Variants in CERS3 observed in about 807,000 individuals in gnomAD.
The protein encoded by CERS3 is LAG1 homolog, ceramide synthase 3.
A neutral mutation model predicts 50.3 loss-of-function variants in CERS3; 33 were observed. The ratio of observed to expected loss-of-function variants is 0.66; its 90% CI spans 0.50 to 0.88. CERS3 has a LOEUF of 0.88. Among genes scored for constraint, CERS3 ranks in the 40% least tolerant of loss-of-function variants. The pLI, the probability that CERS3 is intolerant of heterozygous loss-of-function variation, is 0.00. For synonymous variants in CERS3, 176 were observed against 155.2 expected (o/e 1.13, Z -0.99); for missense variants, 470 against 460.3 (o/e 1.02, Z -0.19).
intron 11 of CERS3, 93 bp downstream of exon 11, chr15:100,455,800 A>T: frequency 1.2e-6 from 1 of 838,468 alleles, no homozygotes; most frequent in Non-Finnish European, 1.7e-6. Flanking sequence ...AATTCTGGTT[A>T]AAACTATGAA....
intron 10 of CERS3, among the ~76,000 whole-genome samples, chr15:100,468,760 T>A (rs1022750365): frequency 2.6e-5 from 4 of 152,216 alleles, no homozygotes; most frequent in African/African-American, 7.2e-5. Flanking sequence ...GGAGATGTAA[T>A]ATATGCTTTT....
At chr15:100,433,187 G>A (rs1419756989) in intron 11 of CERS3, among the ~76,000 whole-genome samples, 1 of 150,316 alleles carries the variant, frequency 6.7e-6, no homozygotes, top group African/African-American at 2.5e-5. Flanking sequence ...AGCGAGCTGA[G>A]ATCGCACTGC....
At chr15:100,502,674 G>A (rs8030478) in intron 2 of CERS3, among the ~76,000 whole-genome samples, 28,169 of 152,204 alleles carry the variant, frequency 0.19, 3,410 homozygotes, top group African/African-American at 0.34. Flanking sequence ...TTAAGATTCT[G>A]TTATTTGTGA....
intron 1 of CERS3, among the ~76,000 whole-genome samples, chr15:100,525,490 A>G (rs1191442035): frequency 6.6e-6 from 1 of 152,230 alleles, no homozygotes; most frequent in East Asian, 1.9e-4. Context: ...TTTTCTATTT[A>G]TTAATGGAAA....
intron 3 of CERS3, among the ~76,000 whole-genome samples, chr15:100,493,189 G>A (rs77689538): frequency 0.018 from 2,721 of 152,200 alleles, 83 homozygotes; most frequent in African/African-American, 0.062. Flanking sequence ...TTACTATCTT[G>A]TGTACTCTCA....
chr15:100,495,977 T>C (rs1356795741), intron 3 of CERS3, among the ~76,000 whole-genome samples: 1 of 152,232 alleles, frequency 6.6e-6, no homozygotes, highest in Non-Finnish European at 1.5e-5. Context: ...TTTTCTGTTT[T>C]TCTAGTTTGC....
chr15:100,479,401 G>A (rs755912164), intron 7 of CERS3, 27 bp downstream of exon 7: 3 of 1,549,292 alleles, frequency 1.9e-6, no homozygotes, highest in Non-Finnish European at 2.6e-6. Context: ...TTCAAGTAAG[G>A]GGAGGAATAT....
chr15:100,457,886 A>T (rs2034427391), intron 10 of CERS3, among the ~76,000 whole-genome samples: 2 of 152,196 alleles, frequency 1.3e-5, no homozygotes, highest in South Asian at 4.1e-4. Context: ...TTTATGTTCA[A>T]TTACATTTAG....
rs57343426 is a variant in CERS3, at chr15:100,497,852, T to TAC, written c.173+3823_173+3824dup. ...TTTGTTTTACTGGATACCTATCTCT[T>TAC]ACACACACACACACACACACACACA... On this transcript the variant is annotated intron_variant, in intron 3 of 11. Coordinates refer to ENST00000679737, the MANE Select transcript of CERS3 (RefSeq NM_001378789.1). Among the ~76,000 whole-genome samples the TAC allele has an allele frequency of 4.0e-3, 432 of 108,788 alleles. 8 individuals carry two copies. Among genetic ancestry groups the TAC allele is most frequent in the African/African-American group, 0.013 (363 of 27,430 alleles). The allele number at this position is 108,788 out of a possible 152,430, so 71.4% of individuals were successfully genotyped here. A position where few individuals can be genotyped will look rare whatever the true frequency, so the allele number is the denominator to read the frequency against.
chr15:100,542,951 T>C (rs1035144166), intron 1 of CERS3, among the ~76,000 whole-genome samples: 2 of 152,186 alleles, frequency 1.3e-5, no homozygotes, highest in Admixed American at 1.3e-4. Context: ...TCTTGCTCTG[T>C]CACCCAGGCC....
chr15:100,422,993 G>A (rs943928505), intron 11 of CERS3, among the ~76,000 whole-genome samples: 13 of 150,660 alleles, frequency 8.6e-5, no homozygotes, highest in African/African-American at 3.2e-4. Flanking sequence ...GCTAGATGAC[G>A]AGTTAGTGGG....
intron 11 of CERS3, among the ~76,000 whole-genome samples, chr15:100,438,734 G>A (rs905824354): frequency 6.6e-6 from 1 of 152,232 alleles, no homozygotes; most frequent in African/African-American, 2.4e-5. Context: ...AGATGGCTGG[G>A]CAGGTTGCCA....
At chr15:100,429,341 C>T (rs1444995909) in intron 11 of CERS3, among the ~76,000 whole-genome samples, 1 of 152,116 alleles carries the variant, frequency 6.6e-6, no homozygotes, top group African/African-American at 2.4e-5. Context: ...TGGAGGCTAT[C>T]GGAGTAGCAC....
intron 2 of CERS3, among the ~76,000 whole-genome samples, chr15:100,502,344 A>G (rs1355654895): frequency 2.6e-5 from 4 of 151,784 alleles, no homozygotes; most frequent in African/African-American, 9.7e-5. Flanking sequence ...CCTTCATTGC[A>G]TTAAACAGGA....
chr15:100,504,701 G>A (rs536057633), intron 2 of CERS3, among the ~76,000 whole-genome samples: 5 of 152,312 alleles, frequency 3.3e-5, no homozygotes, highest in Admixed American at 1.3e-4. Flanking sequence ...AGAAAGGACA[G>A]GGGTGAAGGG....
Position 100,494,210 on chromosome 15 carries a change from CATATATATAT to C in CERS3, c.174-3289_174-3280del, listed in dbSNP as rs1170051830. ...TTTGCTTAGTCACCTTTTTTCTTTT[CATATATATAT>C]ATATATATATATATATATATATATA... On this transcript the variant is annotated intron_variant, in intron 3 of 11. Transcript: ENST00000679737. Among the ~76,000 whole-genome samples the C allele has an allele frequency of 2.2e-3, 169 of 78,118 alleles. 1 individual carries two copies. Among genetic ancestry groups the C allele is most frequent in the African/African-American group, 6.1e-3 (110 of 17,900 alleles). The allele number at this position is 78,118 out of a possible 152,430, so 51.2% of individuals were successfully genotyped here. A position where few individuals can be genotyped will look rare whatever the true frequency, so the allele number is the denominator to read the frequency against.
At chr15:100,423,021 G>A (rs2032559794) in intron 11 of CERS3, among the ~76,000 whole-genome samples, 1 of 150,510 alleles carries the variant, frequency 6.6e-6, no homozygotes, top group East Asian at 2.0e-4. Context: ...CACCAGCATG[G>A]CACATGTATA....
chr15:100,410,029 T>C (rs2031356487), intron 11 of CERS3, among the ~76,000 whole-genome samples: 1 of 152,186 alleles, frequency 6.6e-6, no homozygotes, highest in Non-Finnish European at 1.5e-5. Context: ...TTACAGAGCA[T>C]ATTGCTCTTC....
intron 1 of CERS3, among the ~76,000 whole-genome samples, chr15:100,535,799 T>C (rs573143864): frequency 8.1e-6 from 1 of 122,736 alleles, no homozygotes; most frequent in East Asian, 2.4e-4. Flanking sequence ...GACATCCCTA[T>C]GCTCATATGT....
Sources: gnomAD v4.1 joint callset for allele counts (sites outside exome capture counted in the v4.1 genomes callset) on GRCh38, gnomAD v4.1.1 for gene constraint, MANE v1.5 for transcripts, NCBI Gene and HGNC (gene_info 2026-07-23, HGNC 2026-07-21) for gene names.